BBX: variants seen among roughly 807,000 people sequenced by gnomAD.
The protein encoded by BBX is BBX high mobility group box domain containing.
Under a neutral mutation model 100.2 loss-of-function variants are expected in BBX, and 30 were observed. The observed-to-expected ratio is 0.30, with a 90% CI of 0.22 to 0.41. BBX has a LOEUF of 0.41. BBX is among the 10% of genes least tolerant of loss of function. The pLI, the probability that BBX is intolerant of heterozygous loss-of-function variation, is 1.00. For synonymous variants in BBX, 376 were observed against 388.1 expected (o/e 0.97, Z 0.37); for missense variants, 1,023 against 1,129.8 (o/e 0.91, Z 1.35).
At chr3:107,714,754 G>C (rs888654541) in intron 4 of BBX, among the ~76,000 whole-genome samples, 1 of 151,832 alleles carries the variant, frequency 6.6e-6, no homozygotes, top group African/African-American at 2.4e-5. Flanking sequence ...GATAATTAAT[G>C]GTTAATTGAT....
At chr3:107,587,914 G>C (rs1170437945) in intron 2 of BBX, among the ~76,000 whole-genome samples, 1 of 152,104 alleles carries the variant, frequency 6.6e-6, no homozygotes, top group Admixed American at 6.6e-5. Context: ...CCAAGCTTTA[G>C]ACATAACATG....
chr3:107,632,044 G>A (rs773073043), intron 2 of BBX, among the ~76,000 whole-genome samples: 2 of 151,706 alleles, frequency 1.3e-5, no homozygotes, highest in African/African-American at 2.4e-5. Flanking sequence ...AGATCCTAGT[G>A]GGAACCTCTG....
intron 2 of BBX, among the ~76,000 whole-genome samples, chr3:107,594,543 G>C (rs1470163361): frequency 6.6e-6 from 1 of 152,082 alleles, no homozygotes; most frequent in Non-Finnish European, 1.5e-5. Flanking sequence ...TCGCATTTCT[G>C]ACTATGAGCC....
intron 3 of BBX, among the ~76,000 whole-genome samples, chr3:107,678,096 A>G (rs2059380432): frequency 6.6e-6 from 1 of 152,118 alleles, no homozygotes; most frequent in South Asian, 2.1e-4. Flanking sequence ...TAAAGGAATC[A>G]GGCTCTTATA....
At chr3:107,628,725 T>A (rs2107717981) in intron 2 of BBX, among the ~76,000 whole-genome samples, 1 of 152,294 alleles carries the variant, frequency 6.6e-6, no homozygotes, top group Non-Finnish European at 1.5e-5. Flanking sequence ...TTAGGGTTTT[T>A]TAATACTTAA....
chr3:107,534,029 A>G (rs1404072976), intron 2 of BBX, among the ~76,000 whole-genome samples: 14 of 152,224 alleles, frequency 9.2e-5, no homozygotes, highest in Admixed American at 9.2e-4. Flanking sequence ...GTCATGGGGA[A>G]GAGTCTATAT....
chr3:107,603,660 G>T (rs545593023), intron 2 of BBX, among the ~76,000 whole-genome samples: 20 of 152,208 alleles, frequency 1.3e-4, no homozygotes, highest in African/African-American at 4.6e-4. Flanking sequence ...TCACAGATGT[G>T]AGCCACCGTA....
At chr3:107,579,482 C>T (rs72941311) in intron 2 of BBX, among the ~76,000 whole-genome samples, 4 of 152,294 alleles carry the variant, frequency 2.6e-5, no homozygotes, top group South Asian at 2.1e-4. Flanking sequence ...GCCATGTATT[C>T]GGGGATGAAT....
chr3:107,646,758 TTAAC>T (rs1035981953), intron 3 of BBX, among the ~76,000 whole-genome samples: 3 of 152,150 alleles, frequency 2.0e-5, no homozygotes, highest in African/African-American at 7.2e-5. Context: ...AACTTATTCT[TTAAC>T]TTTTTAATTA....
chr3:107,706,326 C>T (rs1576432800), intron 3 of BBX, among the ~76,000 whole-genome samples: 1 of 152,142 alleles, frequency 6.6e-6, no homozygotes, highest in Middle Eastern at 3.4e-3. Context: ...CCCGGTTTGG[C>T]TTGCTACATT....
intron 3 of BBX, among the ~76,000 whole-genome samples, chr3:107,649,261 G>A (rs1336252303): frequency 1.3e-5 from 2 of 152,124 alleles, no homozygotes; most frequent in African/African-American, 4.8e-5. Flanking sequence ...ATGAGATTTG[G>A]GTTGGGACAC....
intron 15 of BBX, among the ~76,000 whole-genome samples, chr3:107,797,871 A>C (rs2108002842): frequency 6.6e-6 from 1 of 152,330 alleles, no homozygotes; most frequent in Non-Finnish European, 1.5e-5. Context: ...AGCCAGGATG[A>C]CATGTGGGAC....
intron 3 of BBX, among the ~76,000 whole-genome samples, chr3:107,703,842 T>G (rs1052956566): frequency 2.3e-4 from 35 of 152,238 alleles, no homozygotes; most frequent in African/African-American, 8.4e-4. Context: ...TTAATCTAAT[T>G]TAATTGTCAC....
intron 2 of BBX, among the ~76,000 whole-genome samples, chr3:107,559,308 A>G (rs1030342633): frequency 6.6e-6 from 1 of 152,220 alleles, no homozygotes; most frequent in African/African-American, 2.4e-5. Flanking sequence ...TCTGGAAGCA[A>G]TCAATGTGTA....
At chr3:107,707,445 A>G (rs376155441) in intron 3 of BBX, among the ~76,000 whole-genome samples, 3 of 152,218 alleles carry the variant, frequency 2.0e-5, no homozygotes, top group African/African-American at 7.2e-5. Flanking sequence ...GTTTGTGACA[A>G]TCCTCACAAC....
Position 107,787,697 on chromosome 3 carries a change from G to A in BBX, c.2204-2090G>A, listed in dbSNP as rs184810749. On this transcript the variant is annotated intron_variant, in intron 13 of 17. Coordinates refer to ENST00000325805, the MANE Select transcript of BBX (RefSeq NM_001142568.3). ...TAAAACAATAGGTTTGTGAGGGAAC[G>A]GGAGATCAAGTGATGGGCATGGGGT... is the stretch of plus-strand genomic sequence containing the variant. Among the ~76,000 whole-genome samples, 446 of 152,278 alleles carry A rather than the reference G, an allele frequency of 2.9e-3. 3 individuals are homozygous for A. The highest frequency in any genetic ancestry group is 0.011 in the South Asian group (53 of 4,818).
chr3:107,603,368 C>G (rs1270751272), intron 2 of BBX, among the ~76,000 whole-genome samples: 1 of 151,450 alleles, frequency 6.6e-6, no homozygotes, highest in Non-Finnish European at 1.5e-5. Context: ...ACTTTCTTGT[C>G]ATCTTATTTT....
chr3:107,584,698 TTTTTTTTTTTG>T, intron 2 of BBX, among the ~76,000 whole-genome samples: 2 of 129,822 alleles, frequency 1.5e-5, no homozygotes, highest in African/African-American at 6.0e-5. Flanking sequence ...TTTTTTTTTT[TTTTTTTTTTTG>T]AGGTGGAGTC....
chr3:107,532,024 C>T (rs2048194136), intron 2 of BBX, among the ~76,000 whole-genome samples: 1 of 151,940 alleles, frequency 6.6e-6, no homozygotes, highest in Non-Finnish European at 1.5e-5. Flanking sequence ...GAGACCTTGC[C>T]TGTACTAAAA....
Sources: allele counts gnomAD v4.1 joint callset (sites outside exome capture counted in the v4.1 genomes callset), GRCh38; gene constraint gnomAD v4.1.1; transcripts MANE v1.5; gene names NCBI Gene and HGNC (gene_info 2026-07-23, HGNC 2026-07-21).